Variants in TMEM114 observed in about 807,000 individuals in gnomAD.
TMEM114 encodes claudin-26.
Under a neutral mutation model 6.2 loss-of-function variants are expected in TMEM114, and 6 were observed. The ratio of observed to expected loss-of-function variants is 0.97; its 90% CI spans 0.53 to 1.91. TMEM114 has a LOEUF of 1.91. TMEM114 is among the 40% of genes most tolerant of loss of function. The pLI, the probability that TMEM114 is intolerant of heterozygous loss-of-function variation, is 0.01. For synonymous variants in TMEM114, 104 were observed against 73.0 expected, an observed-to-expected ratio of 1.42 and a Z score of -2.16; for missense variants, 218 against 158.3, an observed-to-expected ratio of 1.38 and a Z score of -2.02.
chr16:8,540,849 G>A (rs1047453661), intron 2 of TMEM114, among the ~76,000 whole-genome samples: 13 of 152,230 alleles, frequency 8.5e-5, no homozygotes, highest in Admixed American at 6.5e-5. Flanking sequence ...GCTGACAACA[G>A]GAGGACTTGA....
intron 2 of TMEM114, among the ~76,000 whole-genome samples, chr16:8,578,459 G>T (rs1436683278): frequency 6.6e-6 from 1 of 152,136 alleles, no homozygotes; most frequent in Non-Finnish European, 1.5e-5. Flanking sequence ...ATTTGTCATA[G>T]GATTTAGGGC....
chr16:8,571,765 G>T (rs1018682652), intron 3 of TMEM114, among the ~76,000 whole-genome samples: 5 of 152,176 alleles, frequency 3.3e-5, no homozygotes, highest in Admixed American at 1.3e-4. Context: ...AGGGTGGCTG[G>T]AGCGAGGGTC....
intron 2 of TMEM114, among the ~76,000 whole-genome samples, chr16:8,548,694 G>GTATATATATA (rs141212101): frequency 1.6e-4 from 22 of 140,008 alleles, no homozygotes; most frequent in African/African-American, 5.9e-4. Flanking sequence ...AAATTGCCAT[G>GTATATATATA]TATATATATA....
At chr16:8,536,366 C>G (rs573611557), downstream of TMEM114, among the ~76,000 whole-genome samples, 282 of 152,276 alleles carry the variant, frequency 1.9e-3, 2 homozygotes, top group Non-Finnish European at 2.0e-3. Context: ...ACATAGCTAA[C>G]TTCACCACAC....
chr16:8,589,163 C>A, intron 2 of TMEM114, 50 bp downstream of exon 2: 2 of 398,600 alleles, frequency 5.0e-6, no homozygotes, highest in South Asian at 2.6e-4. Flanking sequence ...CTCCAGAACT[C>A]ACGGCTAGGA....
chr16:8,561,465 T>C (rs567768382), intron 2 of TMEM114, among the ~76,000 whole-genome samples: 158 of 152,340 alleles, frequency 1.0e-3, no homozygotes, highest in Non-Finnish European at 1.9e-3. Flanking sequence ...TACACACACA[T>C]GCACAGACCC....
chr16:8,548,601 C>A (rs182505772), intron 2 of TMEM114, among the ~76,000 whole-genome samples: 5 of 151,550 alleles, frequency 3.3e-5, no homozygotes, highest in African/African-American at 1.2e-4. Context: ...CCTTTTTCAC[C>A]CCCTAAGAGC....
intron 2 of TMEM114, among the ~76,000 whole-genome samples, chr16:8,575,325 T>C (rs1462558480): frequency 6.6e-6 from 1 of 152,222 alleles, no homozygotes; most frequent in Non-Finnish European, 1.5e-5. Flanking sequence ...AGCTCCACAC[T>C]GAGCACTGGT....
intron 2 of TMEM114, among the ~76,000 whole-genome samples, chr16:8,579,854 G>A (rs1902075161): frequency 6.6e-6 from 1 of 152,136 alleles, no homozygotes; most frequent in Non-Finnish European, 1.5e-5. Flanking sequence ...CAAAAGAAGT[G>A]GACAAAGGGG....
intron 2 of TMEM114, among the ~76,000 whole-genome samples, chr16:8,554,214 T>G (rs1900935114): frequency 6.6e-6 from 1 of 151,748 alleles, no homozygotes; most frequent in Non-Finnish European, 1.5e-5. Flanking sequence ...TCCCCTTTAT[T>G]CACTGCCTGG....
At position 8,545,187 on chromosome 16, in the gene TMEM114, C is replaced by G. The variant is rs141521089; in HGVS notation, n.213-7361G>C. 5.7e-3 allele frequency among the ~76,000 whole-genome samples: 864 copies of G among 152,254 alleles called. 5 individuals are homozygous for G. Among genetic ancestry groups the G allele is most frequent in the African/African-American group, 0.02 (816 of 41,542 alleles). Reference sequence around the variant, plus strand: ...GCTCAATGGCTCACACCTGTAATCCCAACACTTTGGGAGGCCAAGGTGGGA... The same window carrying G: ...GCTCAATGGCTCACACCTGTAATCCGAACACTTTGGGAGGCCAAGGTGGGA... On this transcript the variant is annotated intron_variant and non_coding_transcript_variant, in intron 2 of 2. Transcript: ENST00000623677.
chr16:8,584,940 A>AAAAAAG (rs1409319481), intron 2 of TMEM114, among the ~76,000 whole-genome samples: 5,814 of 145,296 alleles, frequency 0.04, 160 homozygotes, highest in Non-Finnish European at 0.063. Flanking sequence ...AAAAAAAAAA[A>AAAAAAG]AAGAAGAAGA....
At chr16:8,573,265 GC>G (rs892210057) in intron 2 of TMEM114, among the ~76,000 whole-genome samples, 3 of 152,146 alleles carry the variant, frequency 2.0e-5, no homozygotes, top group Non-Finnish European at 4.4e-5. Flanking sequence ...GAGACATGCT[GC>G]CCCCGGGTTG....
At chr16:8,536,160 G>T (rs1900352720), downstream of TMEM114, among the ~76,000 whole-genome samples, 1 of 151,662 alleles carries the variant, frequency 6.6e-6, no homozygotes, top group Non-Finnish European at 1.5e-5. Flanking sequence ...GGGAGGCGGA[G>T]GTTGCAGTGA....
intron 2 of TMEM114, among the ~76,000 whole-genome samples, chr16:8,562,608 GT>G (rs1901293786): frequency 6.6e-6 from 1 of 151,638 alleles, no homozygotes; most frequent in Non-Finnish European, 1.5e-5. Flanking sequence ...GAGTGAGTGA[GT>G]GAATGAGTGA....
At chr16:8,570,243 T>G (rs923468635) in intron 3 of TMEM114, among the ~76,000 whole-genome samples, 26 of 152,230 alleles carry the variant, frequency 1.7e-4, no homozygotes. Flanking sequence ...TTCCTGGACT[T>G]GCCTGAGCAG....
chr16:8,552,867 G>T (rs955216443), intron 2 of TMEM114, among the ~76,000 whole-genome samples: 1 of 151,924 alleles, frequency 6.6e-6, no homozygotes, highest in Non-Finnish European at 1.5e-5. Context: ...GGGCTTAACA[G>T]CTCCCAGGGC....
At chr16:8,559,621 T>C (rs1901134926) in intron 2 of TMEM114, among the ~76,000 whole-genome samples, 1 of 152,224 alleles carries the variant, frequency 6.6e-6, no homozygotes, top group African/African-American at 2.4e-5. Context: ...GTTTCTCTTG[T>C]GGGCTCTGAG....
intron 2 of TMEM114, among the ~76,000 whole-genome samples, chr16:8,553,076 C>T (rs571597159): frequency 6.6e-6 from 1 of 152,334 alleles, no homozygotes; most frequent in South Asian, 2.1e-4. Flanking sequence ...CTCATCCTCC[C>T]CTTTGTTGCT....
Sources: gnomAD v4.1 joint callset for allele counts (sites outside exome capture counted in the v4.1 genomes callset) on GRCh38, gnomAD v4.1.1 for gene constraint, MANE v1.5 for transcripts, NCBI Gene and HGNC (gene_info 2026-07-23, HGNC 2026-07-21) for gene names.